RXRA: variants seen among roughly 807,000 people sequenced by gnomAD.
RXRA encodes the protein retinoic acid receptor RXR-alpha.
Under a neutral mutation model 44.5 loss-of-function variants are expected in RXRA, and 5 were observed. That is an observed-to-expected ratio of 0.11 (90% CI 0.06 to 0.24). The LOEUF (loss-of-function observed/expected upper bound fraction) is 0.24, where lower values mean the gene tolerates loss of function less well. Ranked by LOEUF, RXRA falls within the 10% of genes least tolerant of loss-of-function variation. The pLI is 1.00. For missense variants in RXRA, 412 were observed against 646.5 expected (o/e 0.64, Z 3.93); for synonymous variants, 291 against 271.4 (o/e 1.07, Z -0.71).
chr9:134,339,641 G>A (rs1554747832), intron 1 of RXRA, among the ~76,000 whole-genome samples: 1 of 150,110 alleles, frequency 6.7e-6, no homozygotes, highest in African/African-American at 2.5e-5. Flanking sequence ...GAGCCTGTGC[G>A]TGTGTCTGTG....
intron 1 of RXRA, chr9:134,379,506 T>A (rs1830608311): frequency 2.0e-6 from 2 of 986,404 alleles, no homozygotes; most frequent in Non-Finnish European, 2.4e-6. Flanking sequence ...TCACTGACCG[T>A]CTGTGGCAGG....
At chr9:134,401,502 C>G in intron 1 of RXRA, 130 bp from the exon 2 acceptor site, 3 of 1,463,550 alleles carry the variant, frequency 2.0e-6, no homozygotes, top group Non-Finnish European at 2.8e-6. Context: ...CTGTCGAGAC[C>G]CACGGGGCCA....
Position 134,428,791 on chromosome 9 carries a change from C to T in RXRA, c.911-317C>T, listed in dbSNP as rs34684754. On this transcript the variant is annotated intron_variant, in intron 6 of 9. Transcript: ENST00000481739. ...GGGAACATCCCTGGGTGCTCTCCCA[C>T]GTGCTCCGTGGCAGGAGTGTCCTGC... Among the ~76,000 whole-genome samples the T allele has an allele frequency of 1.1e-4, 17 of 152,354 alleles. 1 individual carries two copies. In the East Asian group the frequency reaches 1.5e-3, roughly 14 times the overall value.
rs1441257648 is a variant in RXRA, at chr9:134,343,539, G to T, written c.28+16880G>T. 6.6e-6 allele frequency among the ~76,000 whole-genome samples: 1 copy of T among 152,102 alleles called. No individual in the cohort carries two copies. Among genetic ancestry groups the T allele is most frequent in the South Asian group, 2.1e-4 (1 of 4,828 alleles). The stretch of plus-strand genomic sequence containing the variant: ...TTTGGGAGGAGTGGTTGCAGGGGCA[G>T]CTAGTTCTGGAACCATCCTAGGACC... On this transcript the variant is annotated intron_variant, in intron 1 of 9. Coordinates refer to ENST00000481739, the MANE Select transcript of RXRA (RefSeq NM_002957.6). This position sits in a 1 kb window ranked among gnomAD's most constrained non-coding sequence, Gnocchi z 4.1.
chr9:134,435,372 C>T (rs531466898), intron 9 of RXRA, among the ~76,000 whole-genome samples: 1 of 152,010 alleles, frequency 6.6e-6, no homozygotes, highest in African/African-American at 2.4e-5. Context: ...TTCCCAGAGC[C>T]CCAGACTTCC....
At chr9:134,336,031 G>A (rs1829996207) in intron 1 of RXRA, among the ~76,000 whole-genome samples, 1 of 152,222 alleles carries the variant, frequency 6.6e-6, no homozygotes, top group Admixed American at 6.5e-5. Context: ...ACGGGAGGCG[G>A]TGGAGCTGCC....
At chr9:134,422,382 C>T (rs1479272132) in intron 6 of RXRA, 29 of 1,277,384 alleles carry the variant, frequency 2.3e-5, no homozygotes, top group African/African-American at 3.1e-5. Context: ...ACACTCCCCC[C>T]TCCCGGGACA....
chr9:134,398,699 G>A (rs770371752), intron 1 of RXRA, among the ~76,000 whole-genome samples: 1 of 152,248 alleles, frequency 6.6e-6, no homozygotes, highest in South Asian at 2.1e-4. Context: ...ATCTGGAGCA[G>A]GGGGTGGGTG....
At chr9:134,336,938 G>T (rs892740424) in intron 1 of RXRA, among the ~76,000 whole-genome samples, 14 of 152,170 alleles carry the variant, frequency 9.2e-5, no homozygotes, top group Non-Finnish European at 1.9e-4. Flanking sequence ...CTGGGAGTGG[G>T]AGTAGATGGA....
chr9:134,397,004 C>T (rs976361827), intron 1 of RXRA, among the ~76,000 whole-genome samples: 13 of 152,228 alleles, frequency 8.5e-5, no homozygotes, highest in Non-Finnish European at 1.6e-4. Flanking sequence ...ACTGGCATTT[C>T]CTGCCACCTT....
In RXRA at chr9:134,433,489, A is replaced by C. The variant is rs534707721; in HGVS notation, c.1136-613A>C. Among the ~76,000 whole-genome samples, 2 of 148,722 alleles carry C rather than the reference A, an allele frequency of 1.3e-5. No individual in the cohort carries two copies. Among genetic ancestry groups the C allele is most frequent in the African/African-American group, 5.2e-5 (2 of 38,428 alleles). ...TGCCAAGGAGCCCAGGACACAGGCC[A>C]AGGTGGCATTCACAGGGGGTCCCTG... On this transcript the variant is annotated intron_variant, in intron 8 of 9. Transcript: ENST00000481739. The surrounding 1 kb of genome is among the most constrained non-coding windows in gnomAD (Gnocchi z 4.2).
chr9:134,364,599 C>G (rs946236244), intron 1 of RXRA, among the ~76,000 whole-genome samples: 2 of 152,208 alleles, frequency 1.3e-5, no homozygotes, highest in African/African-American at 4.8e-5. Context: ...GGCCTTGGCC[C>G]CTGCAGACCC....
chr9:134,354,563 C>T (rs1554749845), intron 1 of RXRA, among the ~76,000 whole-genome samples: 2 of 152,242 alleles, frequency 1.3e-5, no homozygotes, highest in Non-Finnish European at 2.9e-5. Context: ...CCAGACCCAT[C>T]AGATCGGCAG....
intron 6 of RXRA, chr9:134,425,822 C>T: frequency 1.0e-6 from 1 of 985,356 alleles, no homozygotes; most frequent in Non-Finnish European, 1.2e-6. Flanking sequence ...CTGGGGGGGC[C>T]CTGCCCTGCC....
At chr9:134,394,740 C>T (rs1830853527) in intron 1 of RXRA, among the ~76,000 whole-genome samples, 1 of 152,188 alleles carries the variant, frequency 6.6e-6, no homozygotes, top group South Asian at 2.1e-4. Flanking sequence ...CCTGCGTCTC[C>T]CAGTCTCCCC....
chr9:134,371,577 G>T (rs1209618337), intron 1 of RXRA, among the ~76,000 whole-genome samples: 1 of 152,238 alleles, frequency 6.6e-6, no homozygotes. Flanking sequence ...GAGAACTCTC[G>T]CCCCATTTCA....
intron 1 of RXRA, among the ~76,000 whole-genome samples, chr9:134,327,560 G>A (rs1476753827): frequency 6.6e-6 from 1 of 152,192 alleles, no homozygotes; most frequent in Non-Finnish European, 1.5e-5. Flanking sequence ...CAGCCAGGCT[G>A]TCAGGCCGGG....
chr9:134,350,852 C>T (rs73663459), intron 1 of RXRA, among the ~76,000 whole-genome samples: 15 of 152,204 alleles, frequency 9.9e-5, no homozygotes, highest in African/African-American at 3.6e-4. Context: ...GCCGGCCTGG[C>T]CTGGATGGTG....
chr9:134,422,357 C>A, intron 6 of RXRA: 2 of 1,277,904 alleles, frequency 1.6e-6, no homozygotes, highest in Non-Finnish European at 2.0e-6. Context: ...CCGGGACACA[C>A]TCCCCGCTAC....
Sources: allele counts gnomAD v4.1 joint callset (sites outside exome capture counted in the v4.1 genomes callset), GRCh38; gene constraint gnomAD v4.1.1; non-coding constraint Gnocchi (gnomAD v3.1); transcripts MANE v1.5; gene names NCBI Gene and HGNC (gene_info 2026-07-23, HGNC 2026-07-21).